The following AMBRA1 variants were observed in gnomAD, a reference collection of about 807,000 sequenced individuals.
The protein encoded by AMBRA1 is autophagy and beclin 1 regulator 1.
A neutral mutation model predicts 125.4 loss-of-function variants in AMBRA1; 47 were observed. That is an observed-to-expected ratio of 0.37 (90% confidence interval 0.30 to 0.48). The LOEUF is 0.48. Ranked by LOEUF, AMBRA1 falls within the 20% of genes least tolerant of loss-of-function variation. AMBRA1 has a pLI of 0.99. For missense variants in AMBRA1, 1,331 were observed against 1,693.4 expected (o/e 0.79, Z 3.76); for synonymous variants, 626 against 655.5 (o/e 0.95, Z 0.69).
chr11:46,524,164 G>A (rs571013476), intron 7 of AMBRA1, among the ~76,000 whole-genome samples: 47 of 152,206 alleles, frequency 3.1e-4, no homozygotes, highest in African/African-American at 1.1e-3. Flanking sequence ...CACCGCACCC[G>A]GCCTAATGTC....
chr11:46,568,792 C>T (rs1033827023), intron 1 of AMBRA1, among the ~76,000 whole-genome samples: 1 of 148,104 alleles, frequency 6.8e-6, no homozygotes, highest in African/African-American at 2.6e-5. Flanking sequence ...AAAAGGAACC[C>T]TCAACCCTAC....
chr11:46,503,808 CA>C (rs1950930638), intron 9 of AMBRA1, among the ~76,000 whole-genome samples: 1 of 152,098 alleles, frequency 6.6e-6, no homozygotes, highest in Non-Finnish European at 1.5e-5. Context: ...GGCAGAAATC[CA>C]AAGTACAGCC....
chr11:46,558,197 T>C (rs1463477519), intron 1 of AMBRA1, among the ~76,000 whole-genome samples: 1 of 152,164 alleles, frequency 6.6e-6, no homozygotes, highest in African/African-American at 2.4e-5. Context: ...TAAATCTTTA[T>C]TGTTTTAAGC....
intron 11 of AMBRA1, among the ~76,000 whole-genome samples, chr11:46,473,461 A>G (rs1949685631): frequency 6.6e-6 from 1 of 152,256 alleles, no homozygotes; most frequent in East Asian, 1.9e-4. Context: ...TGAGTATTGT[A>G]TTGACATCTT....
At chr11:46,441,716 C>T (rs575506243) in intron 12 of AMBRA1, among the ~76,000 whole-genome samples, 11 of 152,050 alleles carry the variant, frequency 7.2e-5, no homozygotes, top group Admixed American at 6.5e-4. Flanking sequence ...TTCTTTTCTG[C>T]CCTCCTCCAC....
Position 46,397,537 on chromosome 11 carries a change from G to C in AMBRA1, c.3810C>G (p.Cys1270Trp). The change falls in exon 18 of 18, where the codon TGC becomes TGG. Residue 1270 changes from cysteine (C) to tryptophan (W), a missense_variant. Cys to Trp is a radical substitution (Grantham distance 215, BLOSUM62 -2). This residue lies in a region of AMBRA1 where 144 missense variants were observed against 133.9 expected (regional missense o/e 1.08). Transcript: ENST00000683756. ...LPSAEGPTLH[C>W]ELTNNNHLLD... ...GAAGGTGGTTGTTATTGGTCAACTC[G>C]CAGTGGAGGGTTGGTCCCTCAGCGC... 1 of 1,548,848 alleles carries C rather than the reference G, an allele frequency of 6.5e-7. No individual in the cohort carries two copies. Among genetic ancestry groups the C allele is most frequent in the African/African-American group, 1.4e-5 (1 of 73,368 alleles).
chr11:46,435,618 C>T (rs1436239901), intron 12 of AMBRA1, among the ~76,000 whole-genome samples: 4 of 152,204 alleles, frequency 2.6e-5, no homozygotes, highest in Non-Finnish European at 5.9e-5. Context: ...CTAACTCTAC[C>T]AAGAGAGGAA....
At chr11:46,471,892 C>T (rs1017273037) in intron 11 of AMBRA1, among the ~76,000 whole-genome samples, 7 of 152,170 alleles carry the variant, frequency 4.6e-5, no homozygotes, top group African/African-American at 1.4e-4. Context: ...TCCCAAAGTG[C>T]CAGGATTACA....
chr11:46,489,380 A>C (rs1167465416), intron 11 of AMBRA1, among the ~76,000 whole-genome samples: 2 of 152,022 alleles, frequency 1.3e-5, no homozygotes, highest in Non-Finnish European at 2.9e-5. Context: ...TCCTGACCTC[A>C]TGATCCACCT....
intron 17 of AMBRA1, 135 bp from the exon 18 acceptor site, chr11:46,398,078 G>A (rs1945544255): frequency 8.3e-7 from 1 of 1,202,700 alleles, no homozygotes. Flanking sequence ...CCATCACTGT[G>A]AAAACCAATC....
At chr11:46,536,478 G>T (rs1009299891) in intron 7 of AMBRA1, among the ~76,000 whole-genome samples, 12 of 152,168 alleles carry the variant, frequency 7.9e-5, no homozygotes, top group Admixed American at 1.3e-4. Flanking sequence ...AACTGGGAGA[G>T]ATTAGATATC....
At chr11:46,486,938 T>TA (rs1950287142) in intron 11 of AMBRA1, among the ~76,000 whole-genome samples, 1 of 149,066 alleles carries the variant, frequency 6.7e-6, no homozygotes, top group African/African-American at 2.5e-5. Context: ...AATAAATAAA[T>TA]AAATAAATAA....
At chr11:46,552,945 C>T (rs928667357) in intron 1 of AMBRA1, among the ~76,000 whole-genome samples, 6 of 151,598 alleles carry the variant, frequency 4.0e-5, no homozygotes, top group African/African-American at 1.5e-4. Context: ...AACCTCATCA[C>T]TCACTTTTTT....
intron 7 of AMBRA1, among the ~76,000 whole-genome samples, chr11:46,515,935 A>T (rs1279138325): frequency 1.3e-5 from 2 of 152,158 alleles, no homozygotes; most frequent in African/African-American, 4.8e-5. Context: ...TGGCCTCCCA[A>T]AGTGCTGGGA....
At chr11:46,424,918 C>T (rs962625034) in intron 14 of AMBRA1, among the ~76,000 whole-genome samples, 6 of 152,048 alleles carry the variant, frequency 3.9e-5, no homozygotes, top group Non-Finnish European at 5.9e-5. Context: ...GGGTGAATCA[C>T]GAGGTCAGGA....
At chr11:46,533,185 A>C (rs189684894) in intron 7 of AMBRA1, among the ~76,000 whole-genome samples, 61 of 152,226 alleles carry the variant, frequency 4.0e-4, no homozygotes, top group Non-Finnish European at 5.6e-4. Flanking sequence ...AAAAAGGAAA[A>C]GAATTAAAAT....
intron 1 of AMBRA1, among the ~76,000 whole-genome samples, chr11:46,565,742 T>C (rs1021513926): frequency 2.1e-4 from 32 of 152,234 alleles, no homozygotes; most frequent in African/African-American, 7.2e-4. Context: ...ACAGCAGTTT[T>C]ATTCATAGTA....
chr11:46,400,835 G>A (rs1945718728), intron 17 of AMBRA1, among the ~76,000 whole-genome samples: 1 of 152,120 alleles, frequency 6.6e-6, no homozygotes, highest in East Asian at 1.9e-4. Context: ...TTGCTTTTCT[G>A]GACAACCCCT....
intron 1 of AMBRA1, among the ~76,000 whole-genome samples, chr11:46,556,463 T>C (rs1364177762): frequency 2.0e-5 from 3 of 152,206 alleles, no homozygotes; most frequent in Admixed American, 1.3e-4. Context: ...ATTGTGTATC[T>C]ATTGTGTGCA....
Sources: allele counts gnomAD v4.1 joint callset (sites outside exome capture counted in the v4.1 genomes callset), GRCh38; gene constraint gnomAD v4.1.1; regional missense constraint gnomAD v4.1.1; transcripts MANE v1.5; gene names NCBI Gene and HGNC (gene_info 2026-07-23, HGNC 2026-07-21).